GALNT17: variants seen among roughly 807,000 people sequenced by gnomAD.
GALNT17 encodes the protein polypeptide N-acetylgalactosaminyltransferase 17.
GALNT17 carries 29 observed loss-of-function variants against 63.7 expected under a neutral mutation model. That is an observed-to-expected ratio of 0.46 (90% CI 0.34 to 0.62). The LOEUF (loss-of-function observed/expected upper bound fraction) is 0.62, where lower values mean the gene tolerates loss of function less well. Ranked by LOEUF, GALNT17 falls within the 20% of genes least tolerant of loss-of-function variation. The pLI is 0.01. For missense variants in GALNT17, 603 were observed against 799.6 expected (o/e 0.75, Z 2.97); for synonymous variants, 305 against 318.3 (o/e 0.96, Z 0.45).
intron 8 of GALNT17, among the ~76,000 whole-genome samples, chr7:71,675,771 G>A (rs1413820444): frequency 6.6e-6 from 1 of 152,192 alleles, no homozygotes; most frequent in Non-Finnish European, 1.5e-5. Flanking sequence ...TGGATCACCT[G>A]AAGTCAGGAG....
chr7:71,576,477 T>C (rs1789538701), intron 6 of GALNT17, among the ~76,000 whole-genome samples: 2 of 152,152 alleles, frequency 1.3e-5, no homozygotes, highest in African/African-American at 4.8e-5. Context: ...ACCAGCAGTG[T>C]ACAAGTGTTC....
chr7:71,321,886 C>CCTTCCTTCCTTT (rs1791614829), intron 1 of GALNT17, among the ~76,000 whole-genome samples: 2 of 77,436 alleles, frequency 2.6e-5, no homozygotes, highest in Admixed American at 1.4e-4. Flanking sequence ...TTCCTTCCTT[C>CCTTCCTTCCTTT]CTTCCTTCCT....
rs149282211 is a variant in GALNT17, at chr7:71,269,496, C to G, written c.239-66054C>G. On this transcript the variant is annotated intron_variant, in intron 1 of 10. Coordinates refer to ENST00000333538, the MANE Select transcript of GALNT17 (RefSeq NM_022479.3). ...AAAATAAGCCTTTGCTTCCCTTGCT[C>G]TGTCTTCTCCCCTCTTCTCTCGTCT... 2.5e-3 allele frequency among the ~76,000 whole-genome samples: 385 copies of G among 152,254 alleles called. 3 individuals carry two copies. Among genetic ancestry groups the G allele is most frequent in the African/African-American group, 8.6e-3 (357 of 41,566 alleles).
intron 6 of GALNT17, among the ~76,000 whole-genome samples, chr7:71,581,320 C>G (rs139181753): frequency 1.3e-5 from 2 of 152,000 alleles, no homozygotes; most frequent in Non-Finnish European, 2.9e-5. Context: ...CTACCATGCT[C>G]GGCTAATTTT....
intron 1 of GALNT17, among the ~76,000 whole-genome samples, chr7:71,302,606 T>C (rs7787249): frequency 0.99 from 151,501 of 152,284 alleles, 75,364 homozygotes; most frequent in East Asian, 1. Context: ...GGCACTGTAA[T>C]CTCATAGAAC....
chr7:71,536,981 G>C (rs1562681196), intron 5 of GALNT17, among the ~76,000 whole-genome samples: 1 of 152,046 alleles, frequency 6.6e-6, no homozygotes, highest in Non-Finnish European at 1.5e-5. Context: ...AACATACCAT[G>C]CGCATTCAAA....
chr7:71,530,549 T>C (rs1227446553), intron 5 of GALNT17, among the ~76,000 whole-genome samples: 1 of 49,008 alleles, frequency 2.0e-5, no homozygotes, highest in African/African-American at 1.1e-4. Context: ...TTTATTTATT[T>C]ATTTATTTAT....
At chr7:71,355,447 G>A (rs1792265726) in intron 2 of GALNT17, among the ~76,000 whole-genome samples, 2 of 152,088 alleles carry the variant, frequency 1.3e-5, no homozygotes, top group South Asian at 4.1e-4. Flanking sequence ...ACTCAAGACA[G>A]GTTTAGTAGG....
chr7:71,610,104 C>T (rs1485402983), intron 6 of GALNT17, among the ~76,000 whole-genome samples: 1 of 151,812 alleles, frequency 6.6e-6, no homozygotes, highest in Non-Finnish European at 1.5e-5. Context: ...ATTTACAGAC[C>T]TTATTCTCCG....
intron 5 of GALNT17, among the ~76,000 whole-genome samples, chr7:71,452,372 C>G (rs1172027233): frequency 1.3e-5 from 2 of 152,002 alleles, no homozygotes; most frequent in Admixed American, 6.5e-5. Flanking sequence ...AAGGTGAAAC[C>G]CTGTCTCTAC....
At chr7:71,468,421 AT>A (rs759792487) in intron 5 of GALNT17, among the ~76,000 whole-genome samples, 1 of 148,316 alleles carries the variant, frequency 6.7e-6, no homozygotes, top group Admixed American at 6.8e-5. Context: ...TTTATTTATT[AT>A]TTTTTTTAAT....
chr7:71,531,648 T>C (rs147981547), intron 5 of GALNT17, among the ~76,000 whole-genome samples: 122 of 152,260 alleles, frequency 8.0e-4, no homozygotes, highest in African/African-American at 2.9e-3. Flanking sequence ...TGTTGACCAT[T>C]GTGTTGCCCA....
At chr7:71,324,104 G>A (rs890780804) in intron 1 of GALNT17, among the ~76,000 whole-genome samples, 3 of 152,160 alleles carry the variant, frequency 2.0e-5, no homozygotes, top group Non-Finnish European at 4.4e-5. Context: ...CAGAGGACGA[G>A]GCTGGGCAAG....
At position 71,609,379 on chromosome 7, in the gene GALNT17, C is replaced by G. The variant is rs1185188563; in HGVS notation, c.1080+37977C>G. The stretch of plus-strand genomic sequence containing the variant: ...AGGCTTGAAGAAGAGGCCAAAGAAC[C>G]AGCCACTGTGGAGGTGAAGAAAGAA... On this transcript the variant is annotated intron_variant, in intron 6 of 10. Transcript: ENST00000333538. Among the ~76,000 whole-genome samples the G allele has an allele frequency of 2.6e-5, 4 of 152,262 alleles. 1 individual carries two copies. The highest frequency in any genetic ancestry group is 2.6e-4 in the Admixed American group (4 of 15,284).
intron 5 of GALNT17, among the ~76,000 whole-genome samples, chr7:71,470,297 A>G (rs1432181524): frequency 3.3e-5 from 5 of 152,188 alleles, no homozygotes; most frequent in Non-Finnish European, 5.9e-5. Flanking sequence ...GGTAAGAGAC[A>G]CAATGTGTCT....
At chr7:71,626,326 A>G (rs1322260161) in intron 6 of GALNT17, among the ~76,000 whole-genome samples, 1 of 151,994 alleles carries the variant, frequency 6.6e-6, no homozygotes, top group Admixed American at 6.5e-5. Context: ...CTCTAAGCCA[A>G]GGAGAGATGC....
At chr7:71,366,349 G>A (rs1047552677) in intron 2 of GALNT17, among the ~76,000 whole-genome samples, 2 of 152,086 alleles carry the variant, frequency 1.3e-5, no homozygotes, top group Non-Finnish European at 2.9e-5. Flanking sequence ...TTGGGAGGCC[G>A]AGGCGAGTGG....
intron 9 of GALNT17, among the ~76,000 whole-genome samples, chr7:71,688,565 T>C (rs963975755): frequency 3.3e-5 from 5 of 151,662 alleles, no homozygotes; most frequent in Non-Finnish European, 7.4e-5. Flanking sequence ...GCTCTCGTGA[T>C]CCACGTGCAG....
chr7:71,584,473 A>G (rs1789685406), intron 6 of GALNT17, among the ~76,000 whole-genome samples: 1 of 152,158 alleles, frequency 6.6e-6, no homozygotes. Context: ...TTAAAAACAA[A>G]TCCCCAGACA....
Sources: allele counts gnomAD v4.1 joint callset (sites outside exome capture counted in the v4.1 genomes callset), GRCh38; gene constraint gnomAD v4.1.1; transcripts MANE v1.5; gene names NCBI Gene and HGNC (gene_info 2026-07-23, HGNC 2026-07-21).